CROCC: variants seen among roughly 807,000 people sequenced by gnomAD.
CROCC encodes the protein rootletin.
Under a neutral mutation model 245.2 loss-of-function variants are expected in CROCC, and 180 were observed. The ratio of observed to expected loss-of-function variants is 0.73; its 90% CI spans 0.65 to 0.83. The LOEUF is 0.83. Ranked by LOEUF, CROCC falls within the 40% of genes least tolerant of loss-of-function variation. The probability of loss-of-function intolerance (pLI) is 0.00; values close to 1 mark genes in which losing one functional copy is unlikely to be tolerated. For synonymous variants in CROCC, 1,205 were observed against 1,241.6 expected (o/e 0.97, Z 0.62); for missense variants, 2,688 against 2,779.4 (o/e 0.97, Z 0.74).
In CROCC at chr1:16,929,910, GGCAGA is replaced by G. The variant is rs2075626864; in HGVS notation, c.419_423del (p.Gln140ArgfsTer114). ...ACGCAGGAGCCCAGGGGGCTGGTAC[GGCAGA>G]GCGTGGAGTTGCGGAGGCAGCTGCA... On this transcript the variant is annotated frameshift_variant, in exon 4 of 37. Transcript: ENST00000375541. LOFTEE classifies it high-confidence loss of function. 6.3e-7 allele frequency: 1 copy of G among 1,588,504 alleles called. No individual in the cohort carries two copies. The highest frequency in any genetic ancestry group is 1.3e-5 in the African/African-American group (1 of 74,746).
At chr1:16,969,485 G>C (rs2076476570) in intron 32 of CROCC, 145 bp downstream of exon 32, 1 of 875,600 alleles carries the variant, frequency 1.1e-6, no homozygotes, top group African/African-American at 1.7e-5. Flanking sequence ...GGAGGGCGTG[G>C]GCCCAGTAGA....
At chr1:16,929,033 G>C (rs562786751) in intron 3 of CROCC, among the ~76,000 whole-genome samples, 12 of 152,316 alleles carry the variant, frequency 7.9e-5, no homozygotes, top group African/African-American at 2.6e-4. Context: ...CATCACGTTA[G>C]CCAGGCTGGT....
Position 16,948,565 on chromosome 1 carries a change from T to C in CROCC, c.2708+41T>C, listed in dbSNP as rs1473075203. 7 of 1,487,080 alleles carry C rather than the reference T, an allele frequency of 4.7e-6. No individual in the cohort carries two copies. The African/African-American group carries it at 8.4e-5, about 18-fold the overall frequency. 92.1% of individuals were successfully genotyped at this position (1,487,080 alleles called of 1,614,324 possible). Reference sequence around the variant, plus strand: ...CTGCCCAACCCGCCCTGGGGGGTCCTCCTGGGGCCACACCATGACCAGCCA... The same window carrying C: ...CTGCCCAACCCGCCCTGGGGGGTCCCCCTGGGGCCACACCATGACCAGCCA... On this transcript the variant is annotated intron_variant, in intron 18 of 36. Transcript: ENST00000375541.
intron 1 of CROCC, among the ~76,000 whole-genome samples, chr1:16,915,053 G>T (rs1430445364): frequency 2.0e-5 from 3 of 152,230 alleles, no homozygotes; most frequent in Non-Finnish European, 1.5e-5. Context: ...CCCCACCCGC[G>T]CACATTTCCC....
At chr1:16,930,856 G>A (rs1468710798) in intron 7 of CROCC, among the ~76,000 whole-genome samples, 1 of 152,290 alleles carries the variant, frequency 6.6e-6, no homozygotes, top group African/African-American at 2.4e-5. Flanking sequence ...AGAGGTTAAG[G>A]CCGGTCGCAG....
rs1441387489 is a variant in CROCC, at chr1:16,948,644, C to T, written c.2708+120C>T. The T allele has an allele frequency of 1.9e-5, 28 of 1,497,808 alleles. 1 individual carries two copies. The highest frequency in any genetic ancestry group is 4.6e-5 in the East Asian group (2 of 43,156). 92.8% of individuals were successfully genotyped at this position (1,497,808 alleles called of 1,614,324 possible). A position where few individuals can be genotyped will look rare whatever the true frequency, so the allele number is the denominator to read the frequency against. On this transcript the variant is annotated intron_variant, in intron 18 of 36. Coordinates refer to ENST00000375541, the MANE Select transcript of CROCC (RefSeq NM_014675.5). ...TACTAAGGAGTCTGGCTTGCCGACTCGTCCTAGCTGTGGCTCAGGCTTCCC... is the reference window on the plus strand; with the variant it reads ...TACTAAGGAGTCTGGCTTGCCGACTTGTCCTAGCTGTGGCTCAGGCTTCCC...
chr1:16,965,766 C>T lies in CROCC; in HGVS notation c.4449C>T (p.Ser1483=), dbSNP rs1204856510. The T allele has an allele frequency of 1.2e-6, 2 of 1,613,746 alleles. No homozygotes were observed. The highest frequency in any genetic ancestry group is 2.7e-5 in the African/African-American group (2 of 74,920). ...ACAGCCCCAGCACCTTAGAATGCAG[C>T]CCTGGGTCCCAGCCACCATCTCCAG... ...GLNSPSTLEC[S]PGSQPPSPGP... Residue 1483 remains serine (S), a synonymous_variant, in exon 28 of 37, where the codon AGC becomes AGT. Coordinates refer to ENST00000375541, the MANE Select transcript of CROCC (RefSeq NM_014675.5).
At chr1:16,958,954 A>G (rs2076288999) in intron 26 of CROCC, among the ~76,000 whole-genome samples, 1 of 152,124 alleles carries the variant, frequency 6.6e-6, no homozygotes, top group African/African-American at 2.4e-5. Context: ...GGGTAGGGAG[A>G]GGCCCTGTAG....
At position 16,945,614 on chromosome 1, in the gene CROCC, C is replaced by T. The variant is rs780239787; in HGVS notation, c.2136+8C>T. 81 of 1,611,310 alleles carry T rather than the reference C, an allele frequency of 5.0e-5. No homozygotes were observed. Among genetic ancestry groups the T allele is most frequent in the Non-Finnish European group, 6.6e-5 (78 of 1,179,304 alleles). ...GCCGAGGCGCTGACCAAGGTGGGTC[C>T]CTGTCTGCTGCACAACCACAAACCT... is the stretch of plus-strand genomic sequence containing the variant. On this transcript the variant is annotated splice_region_variant and intron_variant, in intron 15 of 36. Coordinates refer to ENST00000375541, the MANE Select transcript of CROCC (RefSeq NM_014675.5).
At position 16,925,056 on chromosome 1, in the gene CROCC, G is replaced by A. The variant is rs549196429; in HGVS notation, c.351+577G>A. 2.6e-5 allele frequency among the ~76,000 whole-genome samples: 4 copies of A among 152,396 alleles called. No individual in the cohort carries two copies. The South Asian group carries it at 8.3e-4, about 32-fold the overall frequency. On this transcript the variant is annotated intron_variant, in intron 3 of 36. Coordinates refer to ENST00000375541, the MANE Select transcript of CROCC (RefSeq NM_014675.5). ...TGCTGCAGGCTTGTGGGGGTCCCAG[G>A]GTGTGGGGCGGGAGCTGGGTGTGAG...
At chr1:16,928,806 AAAAT>A (rs1159035594) in intron 3 of CROCC, among the ~76,000 whole-genome samples, 16 of 152,042 alleles carry the variant, frequency 1.1e-4, no homozygotes, top group African/African-American at 3.9e-4. Flanking sequence ...CTGTCTCAAA[AAAAT>A]AAATAAATAA....
Position 16,947,009 on chromosome 1 carries a change from T to G in CROCC, c.2514+18T>G, listed in dbSNP as rs1251986834. ...TAGCGCAGGTGGGCAAAGCTGTGTGTGGGGGTGGTGTGGAGAGCATGTGGG... is the reference window on the plus strand; with the variant it reads ...TAGCGCAGGTGGGCAAAGCTGTGTGGGGGGGTGGTGTGGAGAGCATGTGGG... On this transcript the variant is annotated intron_variant, in intron 17 of 36. Transcript: ENST00000375541. 5.8e-6 allele frequency: 9 copies of G among 1,541,486 alleles called. No individual in the cohort carries two copies. The South Asian group carries it at 7.2e-5, about 12-fold the overall frequency.
At chr1:16,942,341 C>G (rs2075951793) in intron 13 of CROCC, among the ~76,000 whole-genome samples, 1 of 152,266 alleles carries the variant, frequency 6.6e-6, no homozygotes, top group Non-Finnish European at 1.5e-5. Flanking sequence ...TTCTTAGCTG[C>G]CAGGTTGTTT....
rs766627822 is a variant in CROCC, at chr1:16,930,442, G to T, written c.697G>T (p.Ala233Ser). The T allele has an allele frequency of 6.2e-7, 1 of 1,611,864 alleles. No homozygotes were observed. Among genetic ancestry groups the T allele is most frequent in the Admixed American group, 1.7e-5 (1 of 60,024 alleles). Reference protein sequence around the residue: ...EEEQQRSASLAQVNAMLREQL... With the variant: ...EEEQQRSASLSQVNAMLREQL... ...TGCCCCATTCAGGAGTGCCAGCCTG[G>T]CCCAGGTGAATGCCATGCTCCGAGA... The change falls in exon 7 of 37, where the codon GCC becomes TCC. Residue 233 changes from alanine to serine, a missense_variant. This residue lies in a region of CROCC where 972 missense variants were observed against 895.3 expected (regional missense o/e 1.09). Coordinates refer to ENST00000375541, the MANE Select transcript of CROCC (RefSeq NM_014675.5).
At chr1:16,923,483 G>T (rs1451970430) in intron 2 of CROCC, among the ~76,000 whole-genome samples, 1 of 152,236 alleles carries the variant, frequency 6.6e-6, no homozygotes, top group Non-Finnish European at 1.5e-5. Flanking sequence ...GGGTAGAAGG[G>T]GAACCCACAG....
chr1:16,936,644 C>T lies in CROCC; in HGVS notation c.964C>T (p.Leu322=), dbSNP rs778809557. The change falls in exon 9 of 37, where the codon CTG becomes TTG. Residue 322 remains leucine (L), a synonymous_variant. Transcript: ENST00000375541. ...CTGTGCTCTCTCCCGAAGGGACCTG[C>T]TGCAGCTGGGAGGGGAGCTGGCCCG... is the stretch of plus-strand genomic sequence containing the variant. The part of the protein sequence containing the change: ...EVKMFTERDL[L]QLGGELARTS... 6.3e-7 allele frequency: 1 copy of T among 1,589,746 alleles called. No individual in the cohort carries two copies. Among genetic ancestry groups the T allele is most frequent in the Non-Finnish European group, 8.6e-7 (1 of 1,167,302 alleles).
chr1:16,925,089 G>A lies in CROCC; in HGVS notation c.351+610G>A, dbSNP rs551691669. ...GCGGGAGCTGGGTGTGAGCCGGTGCGAGGGGTGCGGGATGCTCTTGATGCA... is the reference window on the plus strand; with the variant it reads ...GCGGGAGCTGGGTGTGAGCCGGTGCAAGGGGTGCGGGATGCTCTTGATGCA... On this transcript the variant is annotated intron_variant, in intron 3 of 36. Transcript: ENST00000375541. Among the ~76,000 whole-genome samples the A allele has an allele frequency of 7.2e-5, 11 of 152,386 alleles. No homozygotes were observed. The East Asian group carries it at 7.7e-4, about 11-fold the overall frequency.
At position 16,944,183 on chromosome 1, in the gene CROCC, C is replaced by G. The variant is rs200150662; in HGVS notation, c.1892C>G (p.Ala631Gly). ...CGGCAGGAGCGGGAGAAGCTGCAGG[C>G]TGCCCAGGAGGAGCTGCGGCGCCAG... ...ELRQEREKLQ[A>G]AQEELRRQRD... Residue 631 changes from alanine (A) to glycine (G), a missense_variant, in exon 14 of 37, where the codon GCT (alanine) becomes GGT (glycine). By Grantham distance (60) the Ala-to-Gly change is moderately conservative. Transcript: ENST00000375541. 6.4e-7 allele frequency: 1 copy of G among 1,555,478 alleles called. No individual in the cohort carries two copies. The highest frequency in any genetic ancestry group is 1.2e-5 in the South Asian group (1 of 84,274).
intron 20 of CROCC, 200 bp from the exon 21 acceptor site, chr1:16,953,102 G>A (rs372219825): frequency 3.4e-6 from 2 of 581,514 alleles, no homozygotes; most frequent in East Asian, 2.8e-5. Flanking sequence ...GGACCCCCAG[G>A]CCAGCCCACT....
Sources: allele counts gnomAD v4.1 joint callset (sites outside exome capture counted in the v4.1 genomes callset), GRCh38; gene constraint gnomAD v4.1.1; regional missense constraint gnomAD v4.1.1; transcripts MANE v1.5; gene names NCBI Gene and HGNC (gene_info 2026-07-23, HGNC 2026-07-21).